Variants in GRHL2 observed in about 807,000 individuals in gnomAD.
The protein encoded by GRHL2 is grainyhead like transcription factor 2.
GRHL2 carries 21 observed loss-of-function variants against 83.8 expected under a neutral mutation model. The ratio of observed to expected loss-of-function variants is 0.25; its 90% CI spans 0.18 to 0.36. The LOEUF (loss-of-function observed/expected upper bound fraction) is 0.36, where lower values mean the gene tolerates loss of function less well. Among genes scored for constraint, GRHL2 ranks in the 10% least tolerant of loss-of-function variants. GRHL2 has a pLI of 1.00. For missense variants in GRHL2, 623 were observed against 781.8 expected, an observed-to-expected ratio of 0.80 and a Z score of 2.42; for synonymous variants, 280 against 278.9, an observed-to-expected ratio of 1.00 and a Z score of -0.04.
In GRHL2 at chr8:101,612,281, T is replaced by C. The variant is rs528823751; in HGVS notation, c.1099-7258T>C. On this transcript the variant is annotated intron_variant, in intron 8 of 15. Transcript: ENST00000646743. ...CTGGGATTATAGGCGTGAGCCACCA[T>C]GCCTGGCCTTCTCTCTTACTTCTTA... 5.1e-4 allele frequency among the ~76,000 whole-genome samples: 77 copies of C among 151,164 alleles called. 6 individuals carry two copies. Among genetic ancestry groups the C allele is most frequent in the African/African-American group, 1.9e-3 (77 of 40,538 alleles).
the GRHL2 span, among the ~76,000 whole-genome samples, chr8:101,676,411 G>C: frequency 6.6e-6 from 1 of 151,876 alleles, no homozygotes. Context: ...GATATGAACA[G>C]ACACTTCTCA....
intron 9 of GRHL2, among the ~76,000 whole-genome samples, chr8:101,620,683 G>A (rs184848826): frequency 6.6e-6 from 1 of 152,294 alleles, no homozygotes; most frequent in Admixed American, 6.5e-5. Context: ...GCATTTGTGA[G>A]GGAAAGTAAT....
chr8:101,502,476 G>A (rs1215969497), intron 1 of GRHL2, among the ~76,000 whole-genome samples: 1 of 152,214 alleles, frequency 6.6e-6, no homozygotes, highest in Non-Finnish European at 1.5e-5. Flanking sequence ...GAATTCAGAA[G>A]GGCAGCAAGG....
At chr8:101,562,463 C>T in intron 4 of GRHL2, 2 of 395,092 alleles carry the variant, frequency 5.1e-6, no homozygotes, top group Non-Finnish European at 9.2e-6. Context: ...GGGCCCTGAA[C>T]AAATATAACA....
chr8:101,549,354 G>A (rs1811331808), intron 2 of GRHL2, among the ~76,000 whole-genome samples: 1 of 152,186 alleles, frequency 6.6e-6, no homozygotes, highest in Admixed American at 6.5e-5. Context: ...ATAGCAACAC[G>A]ACAAGATCAG....
At chr8:101,662,860 C>CAT (rs34202494) in intron 14 of GRHL2, among the ~76,000 whole-genome samples, 34,275 of 145,832 alleles carry the variant, frequency 0.24, 4,104 homozygotes, top group South Asian at 0.3. Context: ...TATGTACTTA[C>CAT]ATATATATAC....
Position 101,634,391 on chromosome 8 carries a change from T to C in GRHL2, c.1485+2026T>C, listed in dbSNP as rs114434020. On this transcript the variant is annotated intron_variant, in intron 11 of 15. Transcript: ENST00000646743. ...TTCAGACTGCCTTTTCTCAAAAAAG[T>C]TAGATGCCTGGGAGATCCTTCCAAA... Among the ~76,000 whole-genome samples the C allele has an allele frequency of 4.2e-3, 642 of 152,178 alleles. 5 individuals carry two copies. Among genetic ancestry groups the C allele is most frequent in the African/African-American group, 0.014 (598 of 41,520 alleles).
chr8:101,674,796 G>A, the GRHL2 span, among the ~76,000 whole-genome samples: 1 of 152,066 alleles, frequency 6.6e-6, no homozygotes, highest in Non-Finnish European at 1.5e-5. Context: ...GAACATTGAT[G>A]CAAAAATCCT....
intron 8 of GRHL2, among the ~76,000 whole-genome samples, chr8:101,614,879 C>A (rs1459149840): frequency 6.6e-6 from 1 of 152,190 alleles, no homozygotes; most frequent in Non-Finnish European, 1.5e-5. Flanking sequence ...ATGATTGATA[C>A]CATCAAGGTA....
rs1284330202 is a variant in GRHL2 at position 101,644,155 on chromosome 8, G to A, written c.1542G>A (p.Met514Ile). The change falls in exon 13 of 16, where the codon ATG becomes ATA. Residue 514 changes from methionine to isoleucine, a missense_variant. Coordinates refer to ENST00000646743, the MANE Select transcript of GRHL2 (RefSeq NM_024915.4). ...GTGGCAGTGTCCTTGTTAAACGGAT[G>A]TTCCGGCCCATGGAAGAGGAGTTTG... is the stretch of plus-strand genomic sequence containing the variant. ...REGGSVLVKRMFRPMEEEFGP... is the reference protein window; with the variant it reads ...REGGSVLVKRIFRPMEEEFGP... The A allele has an allele frequency of 6.2e-7, 1 of 1,614,086 alleles. No homozygotes were observed. Among genetic ancestry groups the A allele is most frequent in the African/African-American group, 1.3e-5 (1 of 74,952 alleles).
At chr8:101,540,682 C>T (rs1348197817) in intron 1 of GRHL2, among the ~76,000 whole-genome samples, 2 of 152,180 alleles carry the variant, frequency 1.3e-5, no homozygotes, top group African/African-American at 2.4e-5. Flanking sequence ...CCTTGACACA[C>T]TTTTCATTGT....
chr8:101,673,458 C>T (rs1814241376), downstream of GRHL2, among the ~76,000 whole-genome samples: 1 of 149,548 alleles, frequency 6.7e-6, no homozygotes, highest in Non-Finnish European at 1.5e-5. Context: ...ACAAAGAAGG[C>T]CATTATATAA....
intron 8 of GRHL2, among the ~76,000 whole-genome samples, chr8:101,601,152 T>G (rs1344842509): frequency 8.8e-6 from 1 of 113,354 alleles, no homozygotes; most frequent in Admixed American, 9.0e-5. Flanking sequence ...AGTATGAGAC[T>G]GTCTTAAACA....
chr8:101,628,344 C>T (rs1263386598), intron 9 of GRHL2, among the ~76,000 whole-genome samples: 1 of 151,980 alleles, frequency 6.6e-6, no homozygotes, highest in African/African-American at 2.4e-5. Context: ...AACAAAACTA[C>T]AAAGCCTGGA....
chr8:101,614,302 C>T (rs562283208), intron 8 of GRHL2, among the ~76,000 whole-genome samples: 1 of 151,190 alleles, frequency 6.6e-6, no homozygotes, highest in East Asian at 1.9e-4. Flanking sequence ...CATTTAGAAA[C>T]AATCTTTATC....
chr8:101,522,444 C>T lies in GRHL2; in HGVS notation c.21-20797C>T, dbSNP rs148893831. On this transcript the variant is annotated intron_variant, in intron 1 of 15. Coordinates refer to ENST00000646743, the MANE Select transcript of GRHL2 (RefSeq NM_024915.4). The stretch of plus-strand genomic sequence containing the variant: ...CTAAAATACCAGGCCATTTTATATA[C>T]GACACTTGAGCATCTGTGGGCCTGG... Among the ~76,000 whole-genome samples, 1,152 of 152,210 alleles carry T rather than the reference C, an allele frequency of 7.6e-3. 15 individuals carry two copies. The highest frequency in any genetic ancestry group is 0.026 in the African/African-American group (1,092 of 41,514).
At chr8:101,611,033 G>A (rs1390506348) in intron 8 of GRHL2, among the ~76,000 whole-genome samples, 1 of 151,026 alleles carries the variant, frequency 6.6e-6, no homozygotes, top group Non-Finnish European at 1.5e-5. Context: ...ACAGCAGTGA[G>A]TGTCCGAGGA....
intron 14 of GRHL2, among the ~76,000 whole-genome samples, chr8:101,658,900 T>C (rs1451011265): frequency 6.6e-6 from 1 of 152,212 alleles, no homozygotes; most frequent in East Asian, 1.9e-4. Flanking sequence ...CTTCCGAGTA[T>C]GCAACAAGCT....
chr8:101,661,557 A>AATAATTGTT (rs1813922467), intron 14 of GRHL2, among the ~76,000 whole-genome samples: 1 of 152,246 alleles, frequency 6.6e-6, no homozygotes, highest in African/African-American at 2.4e-5. Flanking sequence ...AGGCCATGCA[A>AATAATTGTT]ATAATTGTTA....
Sources: allele counts gnomAD v4.1 joint callset (sites outside exome capture counted in the v4.1 genomes callset), GRCh38; gene constraint gnomAD v4.1.1; transcripts MANE v1.5; gene names NCBI Gene and HGNC (gene_info 2026-07-23, HGNC 2026-07-21).